DNAH3: variants seen among roughly 807,000 people sequenced by gnomAD.
DNAH3 encodes axonemal beta dynein heavy chain 3.
A neutral mutation model predicts 432.5 loss-of-function variants in DNAH3; 332 were observed. That is an observed-to-expected ratio of 0.77 (90% CI 0.70 to 0.84). The LOEUF is 0.84. Among genes scored for constraint, DNAH3 ranks in the 40% least tolerant of loss-of-function variants. DNAH3 has a pLI of 0.00. For missense variants in DNAH3, 4,861 were observed against 5,114.0 expected (o/e 0.95, Z 1.51); for synonymous variants, 1,956 against 1,900.2 (o/e 1.03, Z -0.76).
At chr16:20,985,283 T>A in exon 48 of DNAH3, 1 of 1,614,206 alleles carries the variant, frequency 6.2e-7, no homozygotes, top group African/African-American at 1.3e-5. Context: ...AGGAACACGG[T>A]GCTCTTGGTG....
exon 53 of DNAH3, chr16:20,964,262 T>C (rs1371581451): frequency 6.2e-7 from 1 of 1,614,088 alleles, no homozygotes; most frequent in East Asian, 2.2e-5. Flanking sequence ...GCAGCCACGA[T>C]GCCAAGGAGT....
intron 18 of DNAH3, among the ~76,000 whole-genome samples, chr16:21,092,426 A>C (rs971580581): frequency 1.3e-5 from 2 of 152,052 alleles, no homozygotes; most frequent in East Asian, 1.9e-4. Context: ...TACACACACA[A>C]AAAAAGAATC....
Position 21,134,325 on chromosome 16 carries a change from C to T in DNAH3, c.1016G>A (p.Trp339Ter), listed in dbSNP as rs1567851703. 2 of 1,614,142 alleles carry T rather than the reference C, an allele frequency of 1.2e-6. No individual in the cohort carries two copies. The highest frequency in any genetic ancestry group is 1.1e-5 in the South Asian group (1 of 91,070). ...CACCGTGTGCAGATGCTCCTCGTTC[C>T]ACTTCTTGGCGCTCCTGTAGACACT... Residue 339 changes from tryptophan (W) to a stop codon, truncating the protein, a stop_gained, in exon 7 of 62, where the codon TGG becomes TAG. Coordinates refer to ENST00000261383, the Ensembl canonical transcript of DNAH3. LOFTEE classifies it high-confidence loss of function.
rs144164471 is a variant in DNAH3 at position 21,081,653 on chromosome 16, G to A, written c.2952C>T (p.Phe984=). ...GCCCTTACTTTTCAACGAATTTGCC[G>A]AATCCAAATTCGAGCATATTTGAGA... The change falls in exon 20 of 62, where the codon TTC becomes TTT. Residue 984 remains phenylalanine (F), a synonymous_variant. Transcript: ENST00000261383. 758 of 1,613,442 alleles carry A rather than the reference G, an allele frequency of 4.7e-4. 5 individuals are homozygous for A. The highest frequency in any genetic ancestry group is 1.8e-4 in the East Asian group (8 of 44,868).
At chr16:20,972,653 C>G (rs1488270144) in intron 51 of DNAH3, among the ~76,000 whole-genome samples, 1 of 151,894 alleles carries the variant, frequency 6.6e-6, no homozygotes, top group East Asian at 1.9e-4. Flanking sequence ...CAGACCCACC[C>G]AGGGGATCTC....
intron 14 of DNAH3, among the ~76,000 whole-genome samples, chr16:21,109,005 C>T (rs1237763178): frequency 2.0e-5 from 3 of 151,722 alleles, no homozygotes; most frequent in Admixed American, 6.6e-5. Context: ...CACCTGTAAT[C>T]CCAGCTACTC....
intron 50 of DNAH3, among the ~76,000 whole-genome samples, chr16:20,976,015 G>A (rs989561902): frequency 2.0e-5 from 3 of 152,074 alleles, no homozygotes; most frequent in Non-Finnish European, 2.9e-5. Flanking sequence ...GAAGTGCTGG[G>A]ATTACAGGCA....
intron 1 of DNAH3, among the ~76,000 whole-genome samples, chr16:21,153,491 G>C (rs1567886535): frequency 6.6e-6 from 1 of 152,220 alleles, no homozygotes; most frequent in African/African-American, 2.4e-5. Context: ...CTACCAATCA[G>C]CAGGATGTGG....
rs530293241 is a variant in DNAH3, at chr16:21,066,723, GAA to G, written c.3518+558_3518+559del. Among the ~76,000 whole-genome samples, 17 of 151,826 alleles carry G rather than the reference GAA, an allele frequency of 1.1e-4. No individual in the cohort carries two copies. The East Asian group carries it at 3.3e-3, about 29-fold the overall frequency. ...TATGCAGAAGATTGGTTCTTGTGTG[GAA>G]AAAAAGAGTCAAATATGTATAAGCA... is the stretch of plus-strand genomic sequence containing the variant. On this transcript the variant is annotated intron_variant, in intron 24 of 61. Coordinates refer to ENST00000261383, the Ensembl canonical transcript of DNAH3.
At chr16:21,111,213 T>C (rs1159774717) in intron 14 of DNAH3, among the ~76,000 whole-genome samples, 1 of 152,156 alleles carries the variant, frequency 6.6e-6, no homozygotes, top group East Asian at 1.9e-4. Context: ...CCCGGACCTA[T>C]ACAGCAGAAT....
intron 57 of DNAH3, among the ~76,000 whole-genome samples, chr16:20,948,145 TCCTC>T (rs1219074932): frequency 1.3e-5 from 2 of 152,142 alleles, no homozygotes; most frequent in African/African-American, 4.8e-5. Flanking sequence ...GTTTTTCTGT[TCCTC>T]CCTTTTTGCC....
intron 59 of DNAH3, among the ~76,000 whole-genome samples, chr16:20,937,815 C>T (rs984080060): frequency 5.9e-5 from 9 of 152,120 alleles, no homozygotes; most frequent in Non-Finnish European, 7.3e-5. Context: ...TGAGCTACCA[C>T]GCCTGGCCAA....
At chr16:20,985,207 C>T (rs2086130640) in exon 48 of DNAH3, 2 of 1,614,050 alleles carry the variant, frequency 1.2e-6, no homozygotes, top group Non-Finnish European at 1.7e-6. Flanking sequence ...AGGCACGTCA[C>T]CTGTGTTCAG....
intron 56 of DNAH3, among the ~76,000 whole-genome samples, chr16:20,949,226 T>C (rs1463115998): frequency 7.3e-6 from 1 of 136,192 alleles, no homozygotes; most frequent in African/African-American, 2.9e-5. Flanking sequence ...ACAAGAGTAC[T>C]GTAAACCTTC....
Position 21,062,553 on chromosome 16 carries a change from T to C in DNAH3, c.3649A>G (p.Ile1217Val), listed in dbSNP as rs776387951. Residue 1217 changes from isoleucine to valine, a missense_variant, in exon 25 of 62, where the codon ATT becomes GTT. Coordinates refer to ENST00000261383, the Ensembl canonical transcript of DNAH3. Reference sequence around the variant, plus strand: ...TTTTCCGAGCTGATCATGCCCACAATTTCCAGATTGTCTGTAAACTCAAGC... The same window carrying C: ...TTTTCCGAGCTGATCATGCCCACAACTTCCAGATTGTCTGTAAACTCAAGC... 5.0e-6 allele frequency: 8 copies of C among 1,614,214 alleles called. No individual in the cohort carries two copies. The South Asian group carries it at 8.8e-5, about 18-fold the overall frequency.
At chr16:20,986,096 C>T (rs2152670780) in intron 47 of DNAH3, among the ~76,000 whole-genome samples, 1 of 152,078 alleles carries the variant, frequency 6.6e-6, no homozygotes, top group East Asian at 2.0e-4. Context: ...TATCAGGTTA[C>T]CTGCCCACCT....
chr16:21,104,148 G>A (rs957769561), intron 16 of DNAH3: 1 of 248,660 alleles, frequency 4.0e-6, no homozygotes, highest in African/African-American at 2.2e-5. Flanking sequence ...TCCAATGTAA[G>A]GCTGACAATT....
rs1382131380 is a variant in DNAH3, at chr16:21,069,551, G to C, written c.3245C>G (p.Ala1082Gly). ...CCAGGTGGCTTGGCATTTCAACCAG[G>C]CATCCAAATTGTCTTGTATGCGAAT... is the stretch of plus-strand genomic sequence containing the variant. Residue 1082 changes from alanine to glycine, a missense_variant, in exon 23 of 62, where the codon GCC (alanine) becomes GGC (glycine). By Grantham distance (60) the Ala-to-Gly change is moderately conservative (BLOSUM62 0). Coordinates refer to ENST00000261383, the Ensembl canonical transcript of DNAH3. 15 of 1,613,036 alleles carry C rather than the reference G, an allele frequency of 9.3e-6. No homozygotes were observed. In the South Asian group the frequency reaches 1.4e-4, roughly 15 times the overall value.
chr16:21,155,131 G>A lies in DNAH3; in HGVS notation c.117+4194C>T, dbSNP rs188291498. 5.8e-3 allele frequency among the ~76,000 whole-genome samples: 878 copies of A among 151,618 alleles called. 15 individuals carry two copies. The highest frequency in any genetic ancestry group is 0.02 in the African/African-American group (839 of 41,362). ...CACCTGGCTTATTTTTGTATTTTTA[G>A]TAGAGATGGGGTTTTGCCATGTTGG... On this transcript the variant is annotated intron_variant, in intron 1 of 61. Coordinates refer to ENST00000261383, the Ensembl canonical transcript of DNAH3.
Sources: allele counts gnomAD v4.1 joint callset (sites outside exome capture counted in the v4.1 genomes callset), GRCh38; gene constraint gnomAD v4.1.1; transcripts MANE v1.5; gene names NCBI Gene and HGNC (gene_info 2026-07-23, HGNC 2026-07-21).